Variants in PTPN14 observed in about 807,000 individuals in gnomAD.
PTPN14 encodes protein tyrosine phosphatase non-receptor type 14.
In PTPN14, 53 loss-of-function variants were observed where a neutral mutation model predicts 126.8. That is an observed-to-expected ratio of 0.42 (90% CI 0.34 to 0.53). The LOEUF is 0.53. PTPN14 is among the 20% of genes least tolerant of loss of function. The probability of loss-of-function intolerance (pLI) is 0.08; values close to 1 mark genes in which losing one functional copy is unlikely to be tolerated. For missense variants in PTPN14, 1,257 were observed against 1,552.9 expected, an observed-to-expected ratio of 0.81 and a Z score of 3.20; for synonymous variants, 630 against 599.3, an observed-to-expected ratio of 1.05 and a Z score of -0.75.
chr1:214,411,434 T>C (rs897409118), intron 5 of PTPN14, among the ~76,000 whole-genome samples: 2 of 152,170 alleles, frequency 1.3e-5, no homozygotes, highest in Admixed American at 6.5e-5. Flanking sequence ...AAAATCAGCA[T>C]AGAAAAATCA....
At chr1:214,365,893 A>G (rs988466102) in intron 17 of PTPN14, among the ~76,000 whole-genome samples, 5 of 152,200 alleles carry the variant, frequency 3.3e-5, no homozygotes, top group Admixed American at 3.3e-4. Flanking sequence ...GGCTGGGCTC[A>G]GTGGCTCATG....
Position 214,364,708 on chromosome 1 carries a change from G to A in PTPN14, c.3272-33C>T, listed in dbSNP as rs757603867. The A allele has an allele frequency of 1.3e-6, 2 of 1,596,216 alleles. No individual in the cohort carries two copies. Among genetic ancestry groups the A allele is most frequent in the Admixed American group, 3.4e-5 (2 of 59,152 alleles). The stretch of plus-strand genomic sequence containing the variant: ...ACAAAATGCAAATTCTGTCACCAAA[G>A]TCCTCCATGGCTTCGCATGTAAGTT... On this transcript the variant is annotated intron_variant, in intron 17 of 18. Coordinates refer to ENST00000366956, the MANE Select transcript of PTPN14 (RefSeq NM_005401.5). This position sits in a 1 kb window ranked among gnomAD's most constrained non-coding sequence, Gnocchi z 4.1.
intron 1 of PTPN14, chr1:214,532,534 A>T (rs950971547): frequency 1.9e-6 from 2 of 1,036,528 alleles, no homozygotes; most frequent in Admixed American, 1.7e-5. Context: ...CACCTGGAGA[A>T]GAAGGGACCC....
intron 1 of PTPN14, chr1:214,483,125 T>A: frequency 6.2e-7 from 1 of 1,609,560 alleles, no homozygotes; most frequent in Non-Finnish European, 8.5e-7. Flanking sequence ...TTGAATGACA[T>A]CTAAAATGCC....
intron 3 of PTPN14, among the ~76,000 whole-genome samples, chr1:214,440,177 A>C (rs780111557): frequency 4.6e-5 from 7 of 152,204 alleles, no homozygotes; most frequent in African/African-American, 1.7e-4. Context: ...CAGCTGTGTG[A>C]CTATGGGCAG....
chr1:214,470,440 G>T (rs1157877512), intron 1 of PTPN14, among the ~76,000 whole-genome samples: 1 of 151,948 alleles, frequency 6.6e-6, no homozygotes, highest in African/African-American at 2.4e-5. Flanking sequence ...TGGGGTAATG[G>T]TTACACTAAA....
At chr1:214,413,049 AC>A (rs1558091439) in intron 4 of PTPN14, among the ~76,000 whole-genome samples, 1 of 151,888 alleles carries the variant, frequency 6.6e-6, no homozygotes, top group Non-Finnish European at 1.5e-5. Context: ...TTTTATTTTT[AC>A]TTTTTTCGTA....
intron 3 of PTPN14, 86 bp downstream of exon 3, chr1:214,451,719 C>T (rs970461229): frequency 6.7e-7 from 1 of 1,492,358 alleles, no homozygotes; most frequent in Non-Finnish European, 9.1e-7. Flanking sequence ...CCACACACCC[C>T]TAAATCTACC....
intron 1 of PTPN14, among the ~76,000 whole-genome samples, chr1:214,534,902 A>AGACAACC (rs1655664346): frequency 6.6e-6 from 1 of 152,048 alleles, no homozygotes; most frequent in Non-Finnish European, 1.5e-5. Context: ...GGATGTGAAG[A>AGACAACC]GACAACCTAT....
Position 214,383,468 on chromosome 1 carries a change from G to C in PTPN14, c.2387C>G (p.Pro796Arg). Reference sequence around the variant, plus strand: ...GAGAGAGGCCCCGTTGACAGCCGGCGGGTCAGTCCGAGACATGCTGATGGC... The same window carrying C: ...GAGAGAGGCCCCGTTGACAGCCGGCCGGTCAGTCCGAGACATGCTGATGGC... Reference protein sequence around the residue: ...AKAISMSRTDPPAVNGASLGP... With the variant: ...AKAISMSRTDRPAVNGASLGP... The change falls in exon 13 of 19, where the codon CCG becomes CGG. Residue 796 changes from proline to arginine, a missense_variant. By Grantham distance (103) the Pro-to-Arg change is moderately radical. Around this residue, in one of 3 missense-constraint regions of PTPN14, gnomAD observed 1,021 missense variants for 1,183.3 expected, o/e 0.86. Coordinates refer to ENST00000366956, the MANE Select transcript of PTPN14 (RefSeq NM_005401.5). This position sits in a 1 kb window ranked among gnomAD's most constrained non-coding sequence, Gnocchi z 4.4. The C allele has an allele frequency of 6.2e-7, 1 of 1,614,256 alleles. No homozygotes were observed. The highest frequency in any genetic ancestry group is 2.2e-5 in the East Asian group (1 of 44,880).
At position 214,491,324 on chromosome 1, in the gene PTPN14, G is replaced by A. The variant is rs560331785; in HGVS notation, c.-154-26367C>T. ...TATGAGCTCTATCTACAGCGGCTGTGGGCTGCCTGTTCTGCCAGGGTATTC... is the reference window on the plus strand; with the variant it reads ...TATGAGCTCTATCTACAGCGGCTGTAGGCTGCCTGTTCTGCCAGGGTATTC... On this transcript the variant is annotated intron_variant, in intron 1 of 18. Transcript: ENST00000366956. 3.0e-4 allele frequency among the ~76,000 whole-genome samples: 45 copies of A among 152,264 alleles called. 1 individual carries two copies. The highest frequency in any genetic ancestry group is 9.9e-4 in the African/African-American group (41 of 41,564).
intron 1 of PTPN14, among the ~76,000 whole-genome samples, chr1:214,466,479 C>A (rs77799182): frequency 0.014 from 2,063 of 152,238 alleles, 19 homozygotes; most frequent in Non-Finnish European, 0.025. Context: ...CTTACTGACA[C>A]CCTGATGTCC....
intron 1 of PTPN14, among the ~76,000 whole-genome samples, chr1:214,520,065 A>ATATATATAT (rs1553274992): frequency 3.2e-4 from 23 of 71,110 alleles, no homozygotes; most frequent in African/African-American, 1.6e-3. Context: ...AAAAAAAAAA[A>ATATATATAT]ATATATATAT....
At chr1:214,506,908 G>GTT (rs769726812) in intron 1 of PTPN14, among the ~76,000 whole-genome samples, 9 of 136,648 alleles carry the variant, frequency 6.6e-5, no homozygotes, top group Non-Finnish European at 1.1e-4. Context: ...CAAGAGCGCG[G>GTT]GTTTTTTTTT....
intron 1 of PTPN14, among the ~76,000 whole-genome samples, chr1:214,487,482 C>T (rs955778519): frequency 6.6e-6 from 1 of 152,062 alleles, no homozygotes; most frequent in African/African-American, 2.4e-5. Flanking sequence ...AAAAGTTAGC[C>T]AGGCATAGTG....
Position 214,483,343 on chromosome 1 carries a change from C to G in PTPN14, c.-154-18386G>C, listed in dbSNP as rs1661043558. On this transcript the variant is annotated intron_variant, in intron 1 of 18. Coordinates refer to ENST00000366956, the MANE Select transcript of PTPN14 (RefSeq NM_005401.5). ...TGTAGGGGCGGTAGAACTTGGAGAGCCGCGGCTTCCCGTGGTTGTTGAAGA... is the reference window on the plus strand; with the variant it reads ...TGTAGGGGCGGTAGAACTTGGAGAGGCGCGGCTTCCCGTGGTTGTTGAAGA... The G allele has an allele frequency of 6.8e-6, 11 of 1,612,702 alleles. No homozygotes were observed. The South Asian group carries it at 1.1e-4, about 16-fold the overall frequency.
At chr1:214,484,297 A>G (rs6540841) in intron 1 of PTPN14, among the ~76,000 whole-genome samples, 128,150 of 152,210 alleles carry the variant, frequency 0.84, 54,242 homozygotes, top group African/African-American at 0.95. Flanking sequence ...CTAGCTCCTC[A>G]GGAAGCTGGG....
chr1:214,461,282 C>G (rs763161931), intron 2 of PTPN14, among the ~76,000 whole-genome samples: 2 of 152,142 alleles, frequency 1.3e-5, no homozygotes, highest in Non-Finnish European at 2.9e-5. Flanking sequence ...ACCTAAACTA[C>G]TTCTAATGGC....
intron 1 of PTPN14, among the ~76,000 whole-genome samples, chr1:214,489,036 T>C (rs1326838090): frequency 2.0e-5 from 3 of 152,180 alleles, no homozygotes; most frequent in African/African-American, 7.2e-5. Flanking sequence ...CAACATAAGG[T>C]GGTTTGAGAA....
Sources: gnomAD v4.1 joint callset for allele counts (sites outside exome capture counted in the v4.1 genomes callset) on GRCh38, gnomAD v4.1.1 for gene constraint, gnomAD v4.1.1 regional missense constraint, Gnocchi (gnomAD v3.1) non-coding constraint, MANE v1.5 for transcripts, NCBI Gene and HGNC (gene_info 2026-07-23, HGNC 2026-07-21) for gene names.